FAT3: variants seen among roughly 807,000 people sequenced by gnomAD.
FAT3 encodes FAT atypical cadherin 3.
In FAT3, 95 loss-of-function variants were observed where a neutral mutation model predicts 310.2. The ratio of observed to expected loss-of-function variants is 0.31; its 90% CI spans 0.26 to 0.36. The LOEUF (loss-of-function observed/expected upper bound fraction) is 0.36. FAT3 is among the 10% of genes least tolerant of loss of function. FAT3 has a pLI of 1.00. For synonymous variants in FAT3, 2,314 were observed against 2,192.9 expected (o/e 1.06, Z -1.54); for missense variants, 5,408 against 5,715.6 (o/e 0.95, Z 1.74).
At chr11:92,279,335 C>G (rs1946361355) in intron 1 of FAT3, among the ~76,000 whole-genome samples, 1 of 152,124 alleles carries the variant, frequency 6.6e-6, no homozygotes, top group South Asian at 2.1e-4. Context: ...GGGTTCTTTA[C>G]TGTCTTTGGA....
chr11:92,859,263 A>G lies in FAT3; in HGVS notation c.11599A>G (p.Thr3867Ala). The stretch of plus-strand genomic sequence containing the variant: ...TTTCAAACTAGCTCTGCGTCTTCGA[A>G]CACTGCAAAGCAATGGGATTATAAT... ...EDFKLALRLR[T>A]LQSNGIIMYT... Residue 3867 changes from threonine to alanine, a missense_variant, in exon 21 of 28, where the codon ACA becomes GCA. Coordinates refer to ENST00000525166, the MANE Select transcript of FAT3 (RefSeq NM_001367949.2). The G allele has an allele frequency of 6.2e-7, 1 of 1,613,674 alleles. No individual in the cohort carries two copies.
intron 3 of FAT3, among the ~76,000 whole-genome samples, chr11:92,618,860 T>G (rs79797434): frequency 0.013 from 2,020 of 152,208 alleles, 46 homozygotes; most frequent in African/African-American, 0.046. Context: ...TTGCCCTAGA[T>G]AGAACTTCCA....
In FAT3 at chr11:92,699,414, T is replaced by A. The variant is rs1846579627; in HGVS notation, c.3669+1969T>A. Among the ~76,000 whole-genome samples the A allele has an allele frequency of 2.0e-5, 3 of 152,250 alleles. No individual in the cohort carries two copies. In the South Asian group the frequency reaches 6.2e-4, roughly 32 times the overall value. On this transcript the variant is annotated intron_variant, in intron 4 of 27. Transcript: ENST00000525166. ...AAGATGATAGATAACCTAAGTACAC[T>A]GATTTGACCTTTACAAGTACATGAA...
At chr11:92,795,413 A>G (rs1318504148) in intron 9 of FAT3, among the ~76,000 whole-genome samples, 1 of 152,122 alleles carries the variant, frequency 6.6e-6, no homozygotes, top group African/African-American at 2.4e-5. Flanking sequence ...AAGAGGCCAT[A>G]GATTCCAAAA....
In FAT3 at chr11:92,851,649, G is replaced by A. The variant is rs866485189; in HGVS notation, c.11366-5565G>A. The stretch of plus-strand genomic sequence containing the variant: ...CCTGCCCTGACATACCATAAATGGC[G>A]TCAGTTGGTTTGATGAAGTGGGACC... On this transcript the variant is annotated intron_variant, in intron 19 of 27. Transcript: ENST00000525166. 8.5e-5 allele frequency among the ~76,000 whole-genome samples: 13 copies of A among 152,212 alleles called. No individual in the cohort carries two copies. The South Asian group carries it at 1.7e-3, about 19-fold the overall frequency.
At position 92,445,239 on chromosome 11, in the gene FAT3, A is replaced by G. The variant is rs562627435; in HGVS notation, c.3293-79395A>G. Among the ~76,000 whole-genome samples the G allele has an allele frequency of 2.0e-5, 3 of 152,348 alleles. No individual in the cohort carries two copies. In the South Asian group the frequency reaches 6.2e-4, roughly 32 times the overall value. On this transcript the variant is annotated intron_variant, in intron 2 of 27. Coordinates refer to ENST00000525166, the MANE Select transcript of FAT3 (RefSeq NM_001367949.2). The stretch of plus-strand genomic sequence containing the variant: ...ATACACTAATACACTGTTGTACGTC[A>G]GTAGCTCTCAAGCCCAGCTGTGTTT...
intron 22 of FAT3, among the ~76,000 whole-genome samples, chr11:92,880,504 A>G (rs1303908115): frequency 6.6e-6 from 1 of 151,796 alleles, no homozygotes; most frequent in Non-Finnish European, 1.5e-5. Flanking sequence ...GCATTCATGT[A>G]TGTGGTTAAT....
intron 3 of FAT3, among the ~76,000 whole-genome samples, chr11:92,529,920 A>G (rs531165443): frequency 7.9e-5 from 12 of 152,206 alleles, no homozygotes; most frequent in Admixed American, 3.3e-4. Context: ...AACATAGTTT[A>G]TGTGTTGGTA....
chr11:92,354,648 A>T lies in FAT3; in HGVS notation c.2536A>T (p.Ile846Phe), dbSNP rs1236386164. 6.2e-7 allele frequency: 1 copy of T among 1,613,748 alleles called. No individual in the cohort carries two copies. Among genetic ancestry groups the T allele is most frequent in the Non-Finnish European group, 8.5e-7 (1 of 1,179,870 alleles). The change falls in exon 2 of 28, where the codon ATT becomes TTT. Residue 846 changes from isoleucine to phenylalanine, a missense_variant. Around this residue, in one of 5 missense-constraint regions of FAT3, gnomAD observed 4,588 missense variants for 4,809.8 expected, o/e 0.95. Coordinates refer to ENST00000525166, the MANE Select transcript of FAT3 (RefSeq NM_001367949.2). ...YSVNILESSG[I>F]GTEIIQVEAR... ...AGTTAACATTCTTGAAAGTTCAGGC[A>T]TTGGTACTGAAATCATTCAAGTGGA... is the stretch of plus-strand genomic sequence containing the variant.
In FAT3 at chr11:92,532,817, A is replaced by G. The variant is rs531464224; in HGVS notation, c.3607+7869A>G. On this transcript the variant is annotated intron_variant, in intron 3 of 27. Transcript: ENST00000525166. ...AGCCTTCTGACGGATCAATATGTGGATTGTTTCATCATTGGAATGAAACAA... is the reference window on the plus strand; with the variant it reads ...AGCCTTCTGACGGATCAATATGTGGGTTGTTTCATCATTGGAATGAAACAA... Among the ~76,000 whole-genome samples the G allele has an allele frequency of 2.6e-5, 4 of 152,138 alleles. No individual in the cohort carries two copies. The South Asian group carries it at 8.3e-4, about 32-fold the overall frequency.
chr11:92,887,893 A>C (rs1308756509), intron 25 of FAT3, among the ~76,000 whole-genome samples: 1 of 152,210 alleles, frequency 6.6e-6, no homozygotes, highest in Non-Finnish European at 1.5e-5. Flanking sequence ...AATTTCAAAC[A>C]GTCATCCACA....
chr11:92,770,488 G>A (rs1000248923), intron 6 of FAT3, among the ~76,000 whole-genome samples: 1 of 152,136 alleles, frequency 6.6e-6, no homozygotes, highest in Admixed American at 6.5e-5. Context: ...ATTGTAACTG[G>A]TGTTTAGCAT....
At chr11:92,356,908 C>G (rs964834704) in intron 2 of FAT3, among the ~76,000 whole-genome samples, 7 of 152,106 alleles carry the variant, frequency 4.6e-5, no homozygotes, top group South Asian at 4.1e-4. Flanking sequence ...TGTACCATCT[C>G]AAGTTTAAAC....
chr11:92,823,392 T>G (rs566126744), intron 13 of FAT3, among the ~76,000 whole-genome samples: 16 of 152,318 alleles, frequency 1.1e-4, no homozygotes, highest in African/African-American at 3.6e-4. Context: ...TGCAGCTTTT[T>G]AGGTATCACA....
intron 2 of FAT3, among the ~76,000 whole-genome samples, chr11:92,459,628 T>C (rs898769969): frequency 2.6e-5 from 4 of 152,200 alleles, no homozygotes; most frequent in African/African-American, 9.7e-5. Flanking sequence ...GAATGAAAAG[T>C]ATTGCACAGA....
chr11:92,791,173 G>T (rs1947031305), intron 8 of FAT3, among the ~76,000 whole-genome samples: 1 of 152,148 alleles, frequency 6.6e-6, no homozygotes, highest in Admixed American at 6.5e-5. Context: ...GTTACTTATA[G>T]AGGTCTTCCA....
intron 4 of FAT3, among the ~76,000 whole-genome samples, chr11:92,754,618 ACT>A (rs1945933250): frequency 7.1e-6 from 1 of 140,774 alleles, no homozygotes; most frequent in African/African-American, 2.7e-5. Flanking sequence ...ACAGAGGAAG[ACT>A]CTGCCTCAAA....
At position 92,840,712 on chromosome 11, in the gene FAT3, G is replaced by C; in HGVS notation, c.10519G>C (p.Val3507Leu). Reference sequence around the variant, plus strand: ...CCCTCATGGGATCTTGCGGTCGGCTGTGGTCTTCCAGCACACAGAGTCTCT... The same window carrying C: ...CCCTCATGGGATCTTGCGGTCGGCTCTGGTCTTCCAGCACACAGAGTCTCT... ...LDPHGILRSA[V>L]VFQHTESLEY... The change falls in exon 18 of 28, where the codon GTG becomes CTG. Residue 3507 changes from valine (V) to leucine (L), a missense_variant. Physicochemically the swap from Val to Leu is conservative, Grantham distance 32. Around this residue, in one of 5 missense-constraint regions of FAT3, gnomAD observed 4,588 missense variants for 4,809.8 expected, o/e 0.95. Transcript: ENST00000525166. 1 of 1,607,808 alleles carries C rather than the reference G, an allele frequency of 6.2e-7. No homozygotes were observed. Among genetic ancestry groups the C allele is most frequent in the East Asian group, 2.2e-5 (1 of 44,680 alleles).
chr11:92,868,650 C>T (rs10830951), intron 22 of FAT3, among the ~76,000 whole-genome samples: 32,840 of 152,098 alleles, frequency 0.22, 3,994 homozygotes, highest in Admixed American at 0.27. Flanking sequence ...CAAATTGTAA[C>T]ATACTTTTAA....
Sources: allele counts gnomAD v4.1 joint callset (sites outside exome capture counted in the v4.1 genomes callset), GRCh38; gene constraint gnomAD v4.1.1; regional missense constraint gnomAD v4.1.1; transcripts MANE v1.5; gene names NCBI Gene and HGNC (gene_info 2026-07-23, HGNC 2026-07-21).